Variants in ANKRD12 observed in about 807,000 individuals in gnomAD.
ANKRD12 encodes ankyrin repeat domain-containing protein 12.
A neutral mutation model predicts 183.4 loss-of-function variants in ANKRD12; 85 were observed. The observed-to-expected ratio is 0.46, with a 90% CI of 0.39 to 0.56. The LOEUF is 0.56. Ranked by LOEUF, ANKRD12 falls within the 20% of genes least tolerant of loss-of-function variation. ANKRD12 has a pLI of 0.00. For missense variants in ANKRD12, 2,405 were observed against 2,357.1 expected, an observed-to-expected ratio of 1.02 and a Z score of -0.42; for synonymous variants, 914 against 800.2, an observed-to-expected ratio of 1.14 and a Z score of -2.40.
At chr18:9,198,507 C>A (rs1348520711) in intron 3 of ANKRD12, among the ~76,000 whole-genome samples, 1 of 152,008 alleles carries the variant, frequency 6.6e-6, no homozygotes, top group Non-Finnish European at 1.5e-5. Context: ...AAAGTTGTTT[C>A]TTAACATCTG....
At chr18:9,182,320 A>C in intron 1 of ANKRD12, 62 bp from the exon 2 acceptor site, 1 of 516,140 alleles carries the variant, frequency 1.9e-6, no homozygotes, top group East Asian at 3.6e-5. Flanking sequence ...AATTGGACTA[A>C]TTGTGGTGCG....
At chr18:9,195,383 T>C (rs765821207) in intron 2 of ANKRD12, among the ~76,000 whole-genome samples, 168 bp from the exon 3 acceptor site, 22 of 152,062 alleles carry the variant, frequency 1.4e-4, no homozygotes, top group Non-Finnish European at 2.5e-4. Flanking sequence ...TAGGGAAATA[T>C]GAAACAGGAA....
rs1472659778 is a variant in ANKRD12 at position 9,157,585 on chromosome 18, G to GTGTGTGTATA, written c.-52+20621_-52+20622insGTGTGTATAT. ...TGTGTGTGTGTGTGTGTGTGTGTGTGTATATATATATATATGTATTTTTTT... is the reference window on the plus strand; with the variant it reads ...TGTGTGTGTGTGTGTGTGTGTGTGTGTGTGTGTATATATATATATATATATGTATTTTTTT... On this transcript the variant is annotated intron_variant, in intron 1 of 12. Coordinates refer to ENST00000262126, the MANE Select transcript of ANKRD12 (RefSeq NM_015208.5). Among the ~76,000 whole-genome samples the GTGTGTGTATA allele has an allele frequency of 2.8e-3, 259 of 92,652 alleles. 1 individual carries two copies. The highest frequency in any genetic ancestry group is 0.012 in the Middle Eastern group (2 of 162). 60.8% of individuals were successfully genotyped at this position (92,652 alleles called of 152,430 possible).
At chr18:9,219,643 T>G (rs1049701721) in intron 7 of ANKRD12, among the ~76,000 whole-genome samples, 2 of 151,704 alleles carry the variant, frequency 1.3e-5, no homozygotes, top group African/African-American at 4.8e-5. Context: ...ATATAAAAAC[T>G]ATTCTTAGCT....
intron 8 of ANKRD12, among the ~76,000 whole-genome samples, chr18:9,239,873 C>G (rs1272789778): frequency 6.6e-6 from 1 of 152,134 alleles, no homozygotes; most frequent in Non-Finnish European, 1.5e-5. Context: ...GTATCATGTA[C>G]GTAGCATTCT....
intron 1 of ANKRD12, among the ~76,000 whole-genome samples, chr18:9,167,728 G>A (rs1203986237): frequency 1.3e-5 from 2 of 152,186 alleles, no homozygotes; most frequent in East Asian, 3.9e-4. Flanking sequence ...CTGCCTGATT[G>A]TCCTGGCCAC....
intron 9 of ANKRD12, among the ~76,000 whole-genome samples, chr18:9,262,722 C>G (rs2039043416): frequency 1.3e-5 from 2 of 150,698 alleles, no homozygotes; most frequent in South Asian, 4.2e-4. Context: ...CTCAAGCAAT[C>G]CTACTTCAGC....
At chr18:9,244,001 C>A (rs1169444613) in intron 8 of ANKRD12, among the ~76,000 whole-genome samples, 1 of 151,958 alleles carries the variant, frequency 6.6e-6, no homozygotes, top group Non-Finnish European at 1.5e-5. Context: ...GAAAAATTGG[C>A]CAGGCTACTA....
chr18:9,237,808 G>A (rs566227600), intron 8 of ANKRD12, among the ~76,000 whole-genome samples: 1 of 152,244 alleles, frequency 6.6e-6, no homozygotes, highest in South Asian at 2.1e-4. Context: ...CAGAGGAGAT[G>A]ATGATTTGGA....
rs2145450724 is a variant in ANKRD12, at chr18:9,275,700, G to C, written c.5907+33G>C. ...GTTTGTTGATACATTTAGAAGTAATGGTCTGAAAAAATGCAACTTGGCTAT... is the reference window on the plus strand; with the variant it reads ...GTTTGTTGATACATTTAGAAGTAATCGTCTGAAAAAATGCAACTTGGCTAT... On this transcript the variant is annotated intron_variant, in intron 11 of 12. Transcript: ENST00000262126. 2.0e-6 allele frequency: 3 copies of C among 1,483,972 alleles called. No homozygotes were observed. The South Asian group carries it at 4.2e-5, about 21-fold the overall frequency. The allele number at this position is 1,483,972 out of a possible 1,614,324, so 91.9% of individuals were successfully genotyped here. A position where few individuals can be genotyped will look rare whatever the true frequency, so the allele number is the denominator to read the frequency against.
intron 10 of ANKRD12, among the ~76,000 whole-genome samples, chr18:9,267,900 G>A (rs56271201): frequency 8.5e-4 from 130 of 152,092 alleles, no homozygotes; most frequent in African/African-American, 2.9e-3. Context: ...AGAAAAGAGA[G>A]AAGAATCAAG....
intron 2 of ANKRD12, among the ~76,000 whole-genome samples, chr18:9,193,639 A>G (rs1011807646): frequency 7.2e-5 from 11 of 152,194 alleles, no homozygotes; most frequent in Non-Finnish European, 1.0e-4. Context: ...AAAAAAAATG[A>G]CATTAATTTG....
chr18:9,198,737 A>T (rs1353480143), intron 3 of ANKRD12, among the ~76,000 whole-genome samples: 2 of 151,868 alleles, frequency 1.3e-5, no homozygotes, highest in African/African-American at 4.8e-5. Context: ...TTTAGTAGAG[A>T]CGGAGTTTCA....
At chr18:9,246,671 T>G (rs2037980941) in intron 8 of ANKRD12, among the ~76,000 whole-genome samples, 1 of 152,248 alleles carries the variant, frequency 6.6e-6, no homozygotes, top group East Asian at 1.9e-4. Context: ...CGTATGTGCT[T>G]TATTGAATTT....
chr18:9,256,292 T>G lies in ANKRD12; in HGVS notation c.3025T>G (p.Leu1009Val). 1 of 1,604,006 alleles carries G rather than the reference T, an allele frequency of 6.2e-7. No individual in the cohort carries two copies. Among genetic ancestry groups the G allele is most frequent in the Non-Finnish European group, 8.5e-7 (1 of 1,176,842 alleles). ...SLKEKTKDEP[L>V]KTPDGKEKDK... Reference sequence around the variant, plus strand: ...TAAAGAAAAAACAAAAGATGAACCTTTGAAAACTCCAGATGGAAAAGAAAA... The same window carrying G: ...TAAAGAAAAAACAAAAGATGAACCTGTGAAAACTCCAGATGGAAAAGAAAA... The change falls in exon 9 of 13, where the codon TTG becomes GTG. Residue 1009 changes from leucine to valine, a missense_variant. Physicochemically the swap from Leu to Val is conservative, Grantham distance 32 (BLOSUM62 1). This residue lies in a region of ANKRD12 where 1,983 missense variants were observed against 1,725.9 expected (regional missense o/e 1.15). Coordinates refer to ENST00000262126, the MANE Select transcript of ANKRD12 (RefSeq NM_015208.5).
chr18:9,242,966 C>A (rs943206774), intron 8 of ANKRD12, among the ~76,000 whole-genome samples: 5 of 152,060 alleles, frequency 3.3e-5, no homozygotes, highest in Non-Finnish European at 7.4e-5. Context: ...AAATTCATAA[C>A]CTTTGCTTTA....
rs775108326 is a variant in ANKRD12 at position 9,258,683 on chromosome 18, A to G, written c.5416A>G (p.Lys1806Glu). The G allele has an allele frequency of 2.5e-6, 4 of 1,613,964 alleles. No homozygotes were observed. Among genetic ancestry groups the G allele is most frequent in the Non-Finnish European group, 3.4e-6 (4 of 1,179,902 alleles). Residue 1806 changes from lysine to glutamate, a missense_variant, in exon 9 of 13, where the codon AAA (lysine) becomes GAA (glutamate). Lys to Glu is a moderately conservative substitution (Grantham distance 56). Around this residue, in one of 7 missense-constraint regions of ANKRD12, gnomAD observed 1,983 missense variants for 1,725.9 expected, o/e 1.15. Coordinates refer to ENST00000262126, the MANE Select transcript of ANKRD12 (RefSeq NM_015208.5). ...VQVSPSLLQA[K>E]EKTQQSLAAI... is the part of the protein sequence containing the mutation. ...AGTGAGTCCCTCTTTACTACAAGCAAAAGAGAAAACTCAGCAATCTCTGGC... is the reference window on the plus strand; with the variant it reads ...AGTGAGTCCCTCTTTACTACAAGCAGAAGAGAAAACTCAGCAATCTCTGGC...
chr18:9,250,751 T>C (rs1214185779), intron 8 of ANKRD12, among the ~76,000 whole-genome samples: 4 of 152,140 alleles, frequency 2.6e-5, no homozygotes, highest in Non-Finnish European at 4.4e-5. Context: ...ATCAAAACTC[T>C]GAATGGCTGA....
intron 3 of ANKRD12, among the ~76,000 whole-genome samples, chr18:9,199,186 C>T (rs576963784): frequency 9.9e-5 from 15 of 152,090 alleles, no homozygotes; most frequent in Admixed American, 3.3e-4. Context: ...CCCAGCTACT[C>T]GGGATGCTGA....
Sources: gnomAD v4.1 joint callset for allele counts (sites outside exome capture counted in the v4.1 genomes callset) on GRCh38, gnomAD v4.1.1 for gene constraint, gnomAD v4.1.1 regional missense constraint, MANE v1.5 for transcripts, NCBI Gene and HGNC (gene_info 2026-07-23, HGNC 2026-07-21) for gene names.